ATM: variants seen among roughly 807,000 people sequenced by gnomAD.
ATM encodes serine-protein kinase ATM.
Under a neutral mutation model 387.0 loss-of-function variants are expected in ATM, and 308 were observed. The ratio of observed to expected loss-of-function variants is 0.80; its 90% CI spans 0.73 to 0.87. The LOEUF (loss-of-function observed/expected upper bound fraction) is 0.87, where lower values mean the gene tolerates loss of function less well. Among genes scored for constraint, ATM ranks in the 40% least tolerant of loss-of-function variants. The pLI is 0.00. For synonymous variants in ATM, 1,156 were observed against 1,187.3 expected, an observed-to-expected ratio of 0.97 and a Z score of 0.54; for missense variants, 3,312 against 3,560.9, an observed-to-expected ratio of 0.93 and a Z score of 1.78.
chr11:108,286,833 A>G (rs1288129138), intron 26 of ATM, among the ~76,000 whole-genome samples: 1 of 152,220 alleles, frequency 6.6e-6, no homozygotes, highest in East Asian at 1.9e-4. Context: ...ATGTTTTTGA[A>G]CTTCCTTATG....
intron 45 of ATM, among the ~76,000 whole-genome samples, chr11:108,321,802 T>G (rs1475747142): frequency 6.6e-6 from 1 of 151,298 alleles, no homozygotes; most frequent in South Asian, 2.1e-4. Flanking sequence ...AAAAAAAAAC[T>G]ATGTAGAGAC....
At chr11:108,280,881 G>A (rs2082193494) in intron 23 of ATM, 114 bp from the exon 24 acceptor site, 4 of 904,802 alleles carry the variant, frequency 4.4e-6, no homozygotes, top group East Asian at 2.6e-5. Flanking sequence ...GTGAGTAGGA[G>A]GTTTCTGAAA....
intron 11 of ATM, 123 bp from the exon 12 acceptor site, chr11:108,252,694 A>G (rs1199839435): frequency 1.5e-5 from 11 of 711,060 alleles, no homozygotes; most frequent in Admixed American, 5.2e-5. Flanking sequence ...GATGAAAGCA[A>G]TTTTAATCTA....
intron 61 of ATM, among the ~76,000 whole-genome samples, chr11:108,356,666 G>A (rs1054999177): frequency 6.6e-6 from 1 of 152,006 alleles, no homozygotes; most frequent in Non-Finnish European, 1.5e-5. Context: ...GGTGGATTTG[G>A]GAGTTTCTTC....
At chr11:108,297,782 C>A (rs1440463830) in intron 33 of ATM, among the ~76,000 whole-genome samples, 2 of 152,136 alleles carry the variant, frequency 1.3e-5, no homozygotes, top group African/African-American at 4.8e-5. Context: ...AGCTAAGTTA[C>A]ATGCCTATTT....
At chr11:108,287,782 G>T in intron 27 of ATM, 67 bp downstream of exon 27, 1 of 1,125,600 alleles carries the variant, frequency 8.9e-7, no homozygotes, top group Non-Finnish European at 1.3e-6. Context: ...TTTATTGGTT[G>T]ACACCTTCAA....
chr11:108,365,320 C>A lies in ATM; in HGVS notation c.8988-5C>A. On this transcript the variant is annotated splice_polypyrimidine_tract_variant and splice_region_variant and intron_variant, in intron 62 of 62. Coordinates refer to ENST00000675843, the MANE Select transcript of ATM (RefSeq NM_000051.4). ...TCACTGAAACCTTTGTGTTTTTGTC[C>A]TTAGTGATATTGACCAGAGTTTCAA... 6.2e-7 allele frequency: 1 copy of A among 1,614,122 alleles called. No individual in the cohort carries two copies. Among genetic ancestry groups the A allele is most frequent in the Non-Finnish European group, 8.5e-7 (1 of 1,180,010 alleles).
intron 31 of ATM, among the ~76,000 whole-genome samples, chr11:108,294,004 C>T (rs1382050668): frequency 6.7e-6 from 1 of 150,050 alleles, no homozygotes; most frequent in Non-Finnish European, 1.5e-5. Flanking sequence ...CTTAATGTAT[C>T]TCTTTGCATT....
intron 45 of ATM, among the ~76,000 whole-genome samples, chr11:108,324,837 G>C (rs904943415): frequency 6.6e-6 from 1 of 152,152 alleles, no homozygotes; most frequent in Non-Finnish European, 1.5e-5. Context: ...CCAGATGCCA[G>C]CTTTTCCTTC....
At chr11:108,291,661 T>C (rs1341090515) in intron 29 of ATM, among the ~76,000 whole-genome samples, 1 of 152,222 alleles carries the variant, frequency 6.6e-6, no homozygotes, top group African/African-American at 2.4e-5. Context: ...CCTTAGCTTG[T>C]GTTTAGATAG....
intron 56 of ATM, among the ~76,000 whole-genome samples, chr11:108,342,780 G>A (rs999450946): frequency 3.9e-5 from 6 of 152,122 alleles, no homozygotes; most frequent in Non-Finnish European, 5.9e-5. Context: ...TAAAGCAAGA[G>A]TACATGTAAT....
At chr11:108,247,495 C>T (rs111793238) in intron 8 of ATM, among the ~76,000 whole-genome samples, 1 of 152,268 alleles carries the variant, frequency 6.6e-6, no homozygotes, top group African/African-American at 2.4e-5. Flanking sequence ...CTAGAGTTCA[C>T]ATAGCATAAA....
intron 45 of ATM, among the ~76,000 whole-genome samples, 169 bp downstream of exon 45, chr11:108,321,589 C>G (rs1591109040): frequency 6.6e-6 from 1 of 152,208 alleles, no homozygotes; most frequent in East Asian, 1.9e-4. Context: ...TCAAGACCAG[C>G]CTGGCCAACA....
At chr11:108,341,009 TTTCCTG>T (rs750611320) in intron 56 of ATM, among the ~76,000 whole-genome samples, 13 of 152,106 alleles carry the variant, frequency 8.5e-5, no homozygotes, top group South Asian at 2.1e-4. Flanking sequence ...TGTATTCCAT[TTTCCTG>T]TTCAGAACCC....
chr11:108,239,528 T>G (rs1207003225), intron 5 of ATM, among the ~76,000 whole-genome samples: 1 of 152,220 alleles, frequency 6.6e-6, no homozygotes, highest in Non-Finnish European at 1.5e-5. Context: ...ATGCCACATT[T>G]TGTTAATTCA....
intron 7 of ATM, among the ~76,000 whole-genome samples, chr11:108,245,673 C>G (rs966242011): frequency 6.6e-6 from 1 of 152,032 alleles, no homozygotes; most frequent in African/African-American, 2.4e-5. Flanking sequence ...TTGGCTGGAA[C>G]TGGAGTTTCC....
intron 12 of ATM, 53 bp from the exon 13 acceptor site, chr11:108,253,761 A>C (rs1430969945): frequency 2.2e-6 from 3 of 1,370,072 alleles, no homozygotes; most frequent in Non-Finnish European, 3.1e-6. Flanking sequence ...AATACATATA[A>C]GGCAAAGCAT....
chr11:108,251,148 A>G (rs2080129332), intron 10 of ATM, 76 bp downstream of exon 10: 4 of 1,584,774 alleles, frequency 2.5e-6, no homozygotes, highest in Non-Finnish European at 3.4e-6. Context: ...ATCCCTGATC[A>G]TTTTCATAGT....
chr11:108,301,981 G>C (rs1016800834), intron 35 of ATM, among the ~76,000 whole-genome samples, 192 bp downstream of exon 35: 8 of 152,148 alleles, frequency 5.3e-5, no homozygotes, highest in African/African-American at 1.9e-4. Context: ...GTGTGGAAAA[G>C]CTCAGATAGG....
Sources: gnomAD v4.1 joint callset for allele counts (sites outside exome capture counted in the v4.1 genomes callset) on GRCh38, gnomAD v4.1.1 for gene constraint, MANE v1.5 for transcripts, NCBI Gene and HGNC (gene_info 2026-07-23, HGNC 2026-07-21) for gene names.